CLCN3: variants seen among roughly 807,000 people sequenced by gnomAD.
The protein encoded by CLCN3 is Cl-/H+ antiporter 3.
CLCN3 carries 16 observed loss-of-function variants against 83.4 expected under a neutral mutation model. The observed-to-expected ratio is 0.19, with a 90% CI of 0.13 to 0.29. The LOEUF is 0.29. Among genes scored for constraint, CLCN3 ranks in the 10% least tolerant of loss-of-function variants. The pLI is 1.00. For synonymous variants in CLCN3, 322 were observed against 346.2 expected (o/e 0.93, Z 0.78); for missense variants, 544 against 1,006.0 (o/e 0.54, Z 6.21).
At chr4:169,681,804 GA>G (rs1731951011) in intron 3 of CLCN3, among the ~76,000 whole-genome samples, 1 of 152,160 alleles carries the variant, frequency 6.6e-6, no homozygotes, top group Non-Finnish European at 1.5e-5. Context: ...AAATTAGTGA[GA>G]GAATGACATT....
intron 2 of CLCN3, chr4:169,662,765 G>C (rs1214251570): frequency 6.6e-6 from 1 of 152,168 alleles, no homozygotes; most frequent in Non-Finnish European, 1.5e-5. Flanking sequence ...AAGTCTGGAA[G>C]TATAAGTAGA....
chr4:169,639,054 G>A (rs1036376533), intron 2 of CLCN3, among the ~76,000 whole-genome samples: 1 of 152,160 alleles, frequency 6.6e-6, no homozygotes, highest in Non-Finnish European at 1.5e-5. Context: ...TTTGGAGACA[G>A]AGTCTCGCTC....
At position 169,687,690 on chromosome 4, in the gene CLCN3, A is replaced by G. The variant is rs1247959457; in HGVS notation, c.351A>G (p.Glu117=). ...GCAAAAAGAAAGAATCAGCATGGGA[A>G]ATGACAAAAAGTTTGTATGATGCGT... ...INSKKKESAW[E]MTKSLYDAWS... Residue 117 remains glutamate, a synonymous_variant, in exon 4 of 13, where the codon GAA becomes GAG. Coordinates refer to ENST00000513761, the MANE Select transcript of CLCN3 (RefSeq NM_001829.4). 1 of 1,611,648 alleles carries G rather than the reference A, an allele frequency of 6.2e-7. No homozygotes were observed. Among genetic ancestry groups the G allele is most frequent in the Non-Finnish European group, 8.5e-7 (1 of 1,178,694 alleles).
intron 2 of CLCN3, among the ~76,000 whole-genome samples, chr4:169,677,043 A>C (rs1731709208): frequency 6.6e-6 from 1 of 151,980 alleles, no homozygotes; most frequent in Admixed American, 6.6e-5. Flanking sequence ...CTTTTTAACA[A>C]ATTAAATATA....
At chr4:169,626,142 T>TGG (rs1287006220) in intron 1 of CLCN3, among the ~76,000 whole-genome samples, 1 of 152,260 alleles carries the variant, frequency 6.6e-6, no homozygotes, top group African/African-American at 2.4e-5. Context: ...CTTACGTCCT[T>TGG]GGGTTCAATT....
At chr4:169,649,440 A>C (rs1359483333) in intron 2 of CLCN3, among the ~76,000 whole-genome samples, 2 of 152,198 alleles carry the variant, frequency 1.3e-5, no homozygotes, top group African/African-American at 4.8e-5. Context: ...AGGTGGTGAG[A>C]GTATGGAGGT....
intron 9 of CLCN3, among the ~76,000 whole-genome samples, chr4:169,699,210 A>G (rs551848306): frequency 6.6e-6 from 1 of 152,288 alleles, no homozygotes; most frequent in African/African-American, 2.4e-5. Context: ...AGACTCAGTT[A>G]AATTACTAGA....
chr4:169,686,215 T>C (rs1223891199), intron 3 of CLCN3, among the ~76,000 whole-genome samples: 4 of 151,802 alleles, frequency 2.6e-5, no homozygotes, highest in African/African-American at 4.8e-5. Flanking sequence ...GAGATATACC[T>C]AATGCTAAAT....
intron 2 of CLCN3, among the ~76,000 whole-genome samples, chr4:169,666,373 C>T (rs537485474): frequency 6.6e-6 from 1 of 152,094 alleles, no homozygotes; most frequent in African/African-American, 2.4e-5. Context: ...TAAAGGTACA[C>T]CCTGTGGCAT....
chr4:169,670,237 T>G (rs1325680425), intron 2 of CLCN3, among the ~76,000 whole-genome samples: 1 of 151,994 alleles, frequency 6.6e-6, no homozygotes, highest in Non-Finnish European at 1.5e-5. Flanking sequence ...GTTTTCATGG[T>G]TTTGGGTTTT....
At chr4:169,678,130 T>C (rs1731753614) in intron 2 of CLCN3, among the ~76,000 whole-genome samples, 1 of 152,250 alleles carries the variant, frequency 6.6e-6, no homozygotes, top group Non-Finnish European at 1.5e-5. Context: ...TTATTGTTTC[T>C]ACTGGACAGA....
chr4:169,682,715 T>C (rs1380719361), intron 3 of CLCN3, among the ~76,000 whole-genome samples: 1 of 152,210 alleles, frequency 6.6e-6, no homozygotes, highest in Non-Finnish European at 1.5e-5. Context: ...TCAAAGATGC[T>C]CTTATTTGAA....
At chr4:169,663,342 T>A (rs1018578151) in intron 2 of CLCN3, among the ~76,000 whole-genome samples, 2 of 151,072 alleles carry the variant, frequency 1.3e-5, no homozygotes, top group African/African-American at 4.9e-5. Context: ...GTTGTTGTTG[T>A]TGTTTTCTTA....
At chr4:169,690,431 C>A in intron 5 of CLCN3, 99 bp from the exon 6 acceptor site, 1 of 1,249,680 alleles carries the variant, frequency 8.0e-7, no homozygotes, top group African/African-American at 1.5e-5. Context: ...AGGCGTGAGC[C>A]ACCATGCCTG....
At chr4:169,628,255 G>A (rs1773284093) in intron 1 of CLCN3, among the ~76,000 whole-genome samples, 2 of 152,256 alleles carry the variant, frequency 1.3e-5, no homozygotes, top group African/African-American at 4.8e-5. Context: ...TTAGGCATAT[G>A]TTTCTTTGAC....
In CLCN3 at chr4:169,697,309, G is replaced by C; in HGVS notation, c.1138G>C (p.Glu380Gln). Residue 380 changes from glutamate (E) to glutamine (Q), a missense_variant, in exon 9 of 13, where the codon GAG becomes CAG. By Grantham distance (29) the Glu-to-Gln change is conservative. Around this residue, in one of 6 missense-constraint regions of CLCN3, gnomAD observed 194 missense variants for 341.4 expected, o/e 0.57. Coordinates refer to ENST00000513761, the MANE Select transcript of CLCN3 (RefSeq NM_001829.4). The stretch of plus-strand genomic sequence containing the variant: ...CAGCCGTCTGGTCCTTTTTTATGTG[G>C]AGTATCATACACCATGGTACCTTTT... ...GNSRLVLFYV[E>Q]YHTPWYLFEL... 1 of 1,613,938 alleles carries C rather than the reference G, an allele frequency of 6.2e-7. No individual in the cohort carries two copies. Among genetic ancestry groups the C allele is most frequent in the Non-Finnish European group, 8.5e-7 (1 of 1,179,982 alleles).
rs558222364 is a variant in CLCN3 at position 169,680,757 on chromosome 4, G to A, written c.318+550G>A. 91 of 152,208 alleles carry A rather than the reference G, an allele frequency of 6.0e-4. 1 individual carries two copies. The highest frequency in any genetic ancestry group is 2.1e-3 in the African/African-American group (88 of 41,502). 9.4% of individuals were successfully genotyped at this position (152,208 alleles called of 1,614,324 possible). On this transcript the variant is annotated intron_variant, in intron 3 of 12. Transcript: ENST00000513761. ...TGGTTTACTGTTTTTTTTAAAAATGGCTTTAACATATAAAAGTACAACTTA... is the reference window on the plus strand; with the variant it reads ...TGGTTTACTGTTTTTTTTAAAAATGACTTTAACATATAAAAGTACAACTTA...
chr4:169,680,642 T>A (rs1263377231), intron 3 of CLCN3: 1 of 153,338 alleles, frequency 6.5e-6, no homozygotes, highest in Non-Finnish European at 1.5e-5. Flanking sequence ...CTTGTGGGAT[T>A]TTGCTGTTTT....
At chr4:169,702,051 A>G (rs1159867336) in intron 9 of CLCN3, among the ~76,000 whole-genome samples, 1 of 152,024 alleles carries the variant, frequency 6.6e-6, no homozygotes, top group African/African-American at 2.4e-5. Context: ...GCTTGAGCCC[A>G]CTCACCCAAC....
Sources: gnomAD v4.1 joint callset for allele counts (sites outside exome capture counted in the v4.1 genomes callset) on GRCh38, gnomAD v4.1.1 for gene constraint, gnomAD v4.1.1 regional missense constraint, MANE v1.5 for transcripts, NCBI Gene and HGNC (gene_info 2026-07-23, HGNC 2026-07-21) for gene names.